The following CNTN4 variants were observed in gnomAD, a reference collection of about 807,000 sequenced individuals.
CNTN4 encodes the protein contactin 4.
A neutral mutation model predicts 122.5 loss-of-function variants in CNTN4; 77 were observed. That is an observed-to-expected ratio of 0.63 (90% CI 0.52 to 0.76). CNTN4 has a LOEUF of 0.76. CNTN4 is among the 30% of genes least tolerant of loss of function. CNTN4 has a pLI of 0.00. For synonymous variants in CNTN4, 512 were observed against 447.0 expected (o/e 1.15, Z -1.83); for missense variants, 1,256 against 1,259.1 (o/e 1.00, Z 0.04).
chr3:2,249,831 A>G (rs1230876945), intron 2 of CNTN4, among the ~76,000 whole-genome samples: 5 of 151,914 alleles, frequency 3.3e-5, no homozygotes, highest in Non-Finnish European at 5.9e-5. Flanking sequence ...AAAACAAACA[A>G]GGAATATTCT....
At chr3:3,024,122 C>T (rs1027834149) in intron 14 of CNTN4, among the ~76,000 whole-genome samples, 6 of 151,936 alleles carry the variant, frequency 3.9e-5, no homozygotes, top group Admixed American at 6.6e-5. Flanking sequence ...CCATGCTTGG[C>T]GGATAAATCA....
At chr3:2,719,562 A>G (rs192438741) in intron 4 of CNTN4, among the ~76,000 whole-genome samples, 24 of 152,246 alleles carry the variant, frequency 1.6e-4, no homozygotes, top group Admixed American at 6.5e-4. Context: ...TGCTGGGATT[A>G]CAGGCATTGA....
At chr3:2,778,694 TTA>T (rs909263802) in intron 6 of CNTN4, among the ~76,000 whole-genome samples, 3 of 152,224 alleles carry the variant, frequency 2.0e-5, no homozygotes, top group African/African-American at 7.2e-5. Context: ...ATCCAACTTA[TTA>T]TAATGCATGA....
At chr3:2,506,534 T>C (rs1041058920) in intron 3 of CNTN4, among the ~76,000 whole-genome samples, 4 of 152,240 alleles carry the variant, frequency 2.6e-5, no homozygotes, top group Non-Finnish European at 4.4e-5. Flanking sequence ...AGTTAGTAGG[T>C]GCTCAATAAA....
At chr3:2,629,272 G>A (rs774980240) in intron 4 of CNTN4, among the ~76,000 whole-genome samples, 1 of 152,168 alleles carries the variant, frequency 6.6e-6, no homozygotes, top group Non-Finnish European at 1.5e-5. Context: ...GCCCTCACCA[G>A]AAACCAATCC....
rs372287514 is a variant in CNTN4, at chr3:2,314,113, G to A, written c.-144-25065G>A. ...TACAATTAAAATTGATAACAACAAAGTATAAAATTCATATGAATTGACTTA... is the reference window on the plus strand; with the variant it reads ...TACAATTAAAATTGATAACAACAAAATATAAAATTCATATGAATTGACTTA... On this transcript the variant is annotated intron_variant, in intron 2 of 24. Coordinates refer to ENST00000418658, the MANE Select transcript of CNTN4 (RefSeq NM_175607.3). Among the ~76,000 whole-genome samples, 13 of 151,966 alleles carry A rather than the reference G, an allele frequency of 8.6e-5. No individual in the cohort carries two copies. In the South Asian group the frequency reaches 2.5e-3, roughly 29 times the overall value.
intron 2 of CNTN4, among the ~76,000 whole-genome samples, chr3:2,326,302 C>T (rs1367190682): frequency 1.3e-5 from 2 of 152,088 alleles, no homozygotes; most frequent in Non-Finnish European, 2.9e-5. Flanking sequence ...CATCCTAGGT[C>T]TCACACCTGT....
At chr3:2,847,090 C>G (rs928459264) in intron 7 of CNTN4, among the ~76,000 whole-genome samples, 3 of 151,784 alleles carry the variant, frequency 2.0e-5, no homozygotes, top group South Asian at 2.1e-4. Flanking sequence ...CCACAGTTCC[C>G]TGGGCTGAAT....
At chr3:2,723,114 A>T (rs1452119599) in intron 4 of CNTN4, among the ~76,000 whole-genome samples, 1 of 152,212 alleles carries the variant, frequency 6.6e-6, no homozygotes, top group Non-Finnish European at 1.5e-5. Context: ...TTCTAGGTAA[A>T]AGTGGACCAG....
chr3:2,517,862 G>T (rs1489408017), intron 3 of CNTN4, among the ~76,000 whole-genome samples: 2 of 152,120 alleles, frequency 1.3e-5, no homozygotes, highest in Non-Finnish European at 1.5e-5. Flanking sequence ...TTCAAACATG[G>T]TCTCTGGCAT....
At chr3:2,726,147 T>G (rs2088207269) in intron 4 of CNTN4, among the ~76,000 whole-genome samples, 1 of 152,182 alleles carries the variant, frequency 6.6e-6, no homozygotes, top group African/African-American at 2.4e-5. Context: ...GTTCTCTCTC[T>G]CTATGTGGGA....
In CNTN4 at chr3:2,695,903, A is replaced by G. The variant is rs570542726; in HGVS notation, c.56-40312A>G. Among the ~76,000 whole-genome samples the G allele has an allele frequency of 1.1e-3, 162 of 152,324 alleles. 1 individual carries two copies. Among genetic ancestry groups the G allele is most frequent in the Non-Finnish European group, 2.0e-3 (136 of 68,032 alleles). On this transcript the variant is annotated intron_variant, in intron 4 of 24. Transcript: ENST00000418658. Reference sequence around the variant, plus strand: ...ACAATAGAAGTTAAGGCACTGAGGTATGAAATCAGTATAGGGTGGTAGGGG... The same window carrying G: ...ACAATAGAAGTTAAGGCACTGAGGTGTGAAATCAGTATAGGGTGGTAGGGG...
chr3:3,040,857 G>T (rs1700098615), intron 20 of CNTN4, among the ~76,000 whole-genome samples: 1 of 151,812 alleles, frequency 6.6e-6, no homozygotes, highest in Admixed American at 6.6e-5. Flanking sequence ...AACCCAGGAG[G>T]CGGAGGTTGC....
rs372351370 is a variant in CNTN4 at position 2,595,092 on chromosome 3, G to A, written c.55+23534G>A. Among the ~76,000 whole-genome samples, 17 of 152,290 alleles carry A rather than the reference G, an allele frequency of 1.1e-4. No individual in the cohort carries two copies. The East Asian group carries it at 3.1e-3, about 28-fold the overall frequency. On this transcript the variant is annotated intron_variant, in intron 4 of 24. Transcript: ENST00000418658. ...TCCAAGCTATACATTAGTGGGAACA[G>A]TACATCCCTTGATAGTGACACTATT...
At chr3:2,757,069 T>G (rs1298535377) in intron 6 of CNTN4, among the ~76,000 whole-genome samples, 1 of 152,190 alleles carries the variant, frequency 6.6e-6, no homozygotes, top group East Asian at 1.9e-4. Context: ...CTTAACTGTA[T>G]TAGGGTGAAA....
intron 7 of CNTN4, among the ~76,000 whole-genome samples, chr3:2,852,462 A>G (rs971972272): frequency 1.3e-5 from 2 of 152,216 alleles, no homozygotes; most frequent in Admixed American, 1.3e-4. Context: ...GTAAGTCATC[A>G]AATGATTCTA....
intron 4 of CNTN4, among the ~76,000 whole-genome samples, chr3:2,668,050 A>G (rs1212924386): frequency 6.6e-6 from 1 of 151,594 alleles, no homozygotes; most frequent in Non-Finnish European, 1.5e-5. Flanking sequence ...TGTTCTTTTG[A>G]CTCAGGATTG....
chr3:2,169,604 A>C (rs1319310266), intron 2 of CNTN4, among the ~76,000 whole-genome samples: 3 of 151,830 alleles, frequency 2.0e-5, no homozygotes, highest in African/African-American at 7.3e-5. Flanking sequence ...TCACCCTGCT[A>C]GCCAGGATGG....
At chr3:2,279,783 A>G (rs918879823) in intron 2 of CNTN4, among the ~76,000 whole-genome samples, 1 of 151,388 alleles carries the variant, frequency 6.6e-6, no homozygotes, top group African/African-American at 2.4e-5. Context: ...ACATATATCT[A>G]TATATATATT....
Sources: allele counts gnomAD v4.1 joint callset (sites outside exome capture counted in the v4.1 genomes callset), GRCh38; gene constraint gnomAD v4.1.1; transcripts MANE v1.5; gene names NCBI Gene and HGNC (gene_info 2026-07-23, HGNC 2026-07-21).